CCSER1: variants seen among roughly 807,000 people sequenced by gnomAD.
CCSER1 encodes the protein coiled-coil serine rich protein 1.
CCSER1 carries 41 observed loss-of-function variants against 82.0 expected under a neutral mutation model. That is an observed-to-expected ratio of 0.50 (90% CI 0.39 to 0.65). CCSER1 has a LOEUF of 0.65. Ranked by LOEUF, CCSER1 falls within the 30% of genes least tolerant of loss-of-function variation. The pLI, the probability that CCSER1 is intolerant of heterozygous loss-of-function variation, is 0.00. For synonymous variants in CCSER1, 414 were observed against 383.9 expected (o/e 1.08, Z -0.92); for missense variants, 1,119 against 1,064.2 (o/e 1.05, Z -0.72).
intron 8 of CCSER1, among the ~76,000 whole-genome samples, chr4:90,845,723 A>C (rs1423494445): frequency 1.3e-5 from 2 of 151,856 alleles, no homozygotes; most frequent in African/African-American, 4.8e-5. Context: ...TTTAAATTTA[A>C]TTCCTGAACA....
chr4:90,713,855 TC>T (rs2149336698), intron 6 of CCSER1, among the ~76,000 whole-genome samples: 1 of 152,190 alleles, frequency 6.6e-6, no homozygotes, highest in East Asian at 1.9e-4. Flanking sequence ...CATTCTTTTT[TC>T]TTTATTCTTG....
chr4:91,444,269 A>G (rs1159754576), intron 10 of CCSER1, among the ~76,000 whole-genome samples: 1 of 152,188 alleles, frequency 6.6e-6, no homozygotes, highest in African/African-American at 2.4e-5. Context: ...AACAAGGAGC[A>G]TAAGCTAAAT....
At chr4:90,532,704 ACTT>A (rs1774699222) in intron 5 of CCSER1, among the ~76,000 whole-genome samples, 1 of 152,166 alleles carries the variant, frequency 6.6e-6, no homozygotes, top group African/African-American at 2.4e-5. Context: ...TTTTGTATGG[ACTT>A]CTACCAAAAT....
At position 90,533,304 on chromosome 4, in the gene CCSER1, C is replaced by G. The variant is rs565232916; in HGVS notation, c.1724+64950C>G. On this transcript the variant is annotated intron_variant, in intron 5 of 10. Coordinates refer to ENST00000509176, the MANE Select transcript of CCSER1 (RefSeq NM_001145065.2). The stretch of plus-strand genomic sequence containing the variant: ...TAGAGACGGGGTTTCACCGTGTTAG[C>G]CAGGATGGTCTCCATCTCCTGACCT... 1.2e-4 allele frequency among the ~76,000 whole-genome samples: 19 copies of G among 152,084 alleles called. No individual in the cohort carries two copies. The East Asian group carries it at 3.7e-3, about 29-fold the overall frequency.
At chr4:90,655,938 A>G (rs1729623440) in intron 6 of CCSER1, among the ~76,000 whole-genome samples, 1 of 151,942 alleles carries the variant, frequency 6.6e-6, no homozygotes, top group South Asian at 2.1e-4. Context: ...AAGATATTCT[A>G]AGAGGCTTTG....
At chr4:91,179,337 G>T (rs1169671480) in intron 10 of CCSER1, among the ~76,000 whole-genome samples, 1 of 152,122 alleles carries the variant, frequency 6.6e-6, no homozygotes, top group Non-Finnish European at 1.5e-5. Flanking sequence ...TCCTGAATTT[G>T]AATGTTGGCC....
intron 6 of CCSER1, among the ~76,000 whole-genome samples, chr4:90,704,405 C>G (rs1345046396): frequency 1.3e-5 from 2 of 152,182 alleles, no homozygotes; most frequent in Admixed American, 1.3e-4. Context: ...CTGCCCTTAA[C>G]ATTTTTTCCT....
At chr4:90,452,943 G>A (rs1761672302) in intron 4 of CCSER1, among the ~76,000 whole-genome samples, 1 of 152,158 alleles carries the variant, frequency 6.6e-6, no homozygotes, top group African/African-American at 2.4e-5. Context: ...TAGATTTTGA[G>A]ACCTTATATC....
chr4:90,703,800 A>T (rs1452533112), intron 6 of CCSER1, among the ~76,000 whole-genome samples: 8 of 151,468 alleles, frequency 5.3e-5, no homozygotes, highest in African/African-American at 1.9e-4. Context: ...TGCAACCCCC[A>T]CTTTTTTTTG....
At chr4:90,944,828 G>A (rs1732036647) in intron 9 of CCSER1, among the ~76,000 whole-genome samples, 2 of 152,138 alleles carry the variant, frequency 1.3e-5, no homozygotes, top group South Asian at 4.1e-4. Flanking sequence ...TTTCTTTCTC[G>A]TGAAGACAAA....
chr4:90,640,478 A>AGTATT (rs1490920243), intron 6 of CCSER1, among the ~76,000 whole-genome samples: 1 of 152,188 alleles, frequency 6.6e-6, no homozygotes, highest in Non-Finnish European at 1.5e-5. Context: ...TCTTTTAAAA[A>AGTATT]GTATTATTTA....
intron 3 of CCSER1, among the ~76,000 whole-genome samples, chr4:90,318,819 A>T (rs1736610933): frequency 6.6e-6 from 1 of 152,196 alleles, no homozygotes; most frequent in African/African-American, 2.4e-5. Flanking sequence ...TCTTACAATA[A>T]ATATTTATTG....
chr4:91,080,491 C>T (rs914798278), intron 9 of CCSER1, among the ~76,000 whole-genome samples: 7 of 152,232 alleles, frequency 4.6e-5, no homozygotes, highest in South Asian at 2.1e-4. Context: ...GACACCCTAA[C>T]ATCACAATTA....
chr4:90,667,967 C>T (rs1043406570), intron 6 of CCSER1, among the ~76,000 whole-genome samples: 6 of 152,086 alleles, frequency 3.9e-5, no homozygotes, highest in African/African-American at 1.2e-4. Context: ...ACTTAAGAAA[C>T]ACAGTATTAA....
intron 5 of CCSER1, among the ~76,000 whole-genome samples, chr4:90,529,810 C>A (rs1257236164): frequency 6.6e-6 from 1 of 151,976 alleles, no homozygotes; most frequent in East Asian, 1.9e-4. Context: ...ATATTACAAA[C>A]TACTACATGA....
intron 9 of CCSER1, among the ~76,000 whole-genome samples, chr4:90,963,499 A>C (rs922764512): frequency 2.0e-5 from 3 of 152,160 alleles, no homozygotes; most frequent in African/African-American, 4.8e-5. Context: ...ATACTTAGAG[A>C]TAGGGCCTTA....
chr4:90,365,976 T>A (rs1026248814), intron 3 of CCSER1, among the ~76,000 whole-genome samples: 51 of 151,864 alleles, frequency 3.4e-4, no homozygotes, highest in African/African-American at 1.1e-3. Context: ...TTGTCTGATT[T>A]TTTTTCGTAG....
At chr4:90,362,479 T>C (rs879371011) in intron 3 of CCSER1, among the ~76,000 whole-genome samples, 3 of 152,202 alleles carry the variant, frequency 2.0e-5, no homozygotes, top group Non-Finnish European at 4.4e-5. Context: ...ATAAATTCTT[T>C]CCTTTAGAAA....
chr4:90,944,328 T>C (rs1201113329), intron 9 of CCSER1, among the ~76,000 whole-genome samples: 1 of 152,094 alleles, frequency 6.6e-6, no homozygotes. Context: ...AATGGTGAGC[T>C]AATACAAAAG....
Sources: allele counts gnomAD v4.1 joint callset (sites outside exome capture counted in the v4.1 genomes callset), GRCh38; gene constraint gnomAD v4.1.1; transcripts MANE v1.5; gene names NCBI Gene and HGNC (gene_info 2026-07-23, HGNC 2026-07-21).